The following SCFD2 variants were observed in gnomAD, a reference collection of about 807,000 sequenced individuals.
The protein encoded by SCFD2 is sec1 family domain containing 2.
In SCFD2, 54 loss-of-function variants were observed where a neutral mutation model predicts 58.9. The observed-to-expected ratio is 0.92, with a 90% CI of 0.74 to 1.15. SCFD2 has a LOEUF of 1.15. Ranked by LOEUF, SCFD2 falls within the 50% of genes most tolerant of loss-of-function variation. The pLI, the probability that SCFD2 is intolerant of heterozygous loss-of-function variation, is 0.00. For synonymous variants in SCFD2, 321 were observed against 335.9 expected (o/e 0.96, Z 0.49); for missense variants, 805 against 836.6 (o/e 0.96, Z 0.47).
chr4:52,977,143 G>A (rs1671818174), intron 5 of SCFD2, among the ~76,000 whole-genome samples: 1 of 152,148 alleles, frequency 6.6e-6, no homozygotes, highest in Admixed American at 6.6e-5. Context: ...CCACGGGAGA[G>A]TTGACTCCTT....
intron 5 of SCFD2, among the ~76,000 whole-genome samples, chr4:53,027,349 T>G (rs1220994043): frequency 2.6e-5 from 4 of 152,124 alleles, no homozygotes; most frequent in Admixed American, 2.6e-4. Context: ...TAAAGTGGGC[T>G]GACCTGCTCA....
intron 5 of SCFD2, among the ~76,000 whole-genome samples, chr4:52,927,349 A>T (rs962917268): frequency 1.3e-5 from 2 of 151,720 alleles, no homozygotes; most frequent in Non-Finnish European, 2.9e-5. Flanking sequence ...GTTCTTTTTT[A>T]AAAAACATTA....
intron 3 of SCFD2, among the ~76,000 whole-genome samples, chr4:53,289,987 T>C (rs1258143456): frequency 6.6e-6 from 1 of 152,080 alleles, no homozygotes; most frequent in Non-Finnish European, 1.5e-5. Context: ...ATAAAACAAA[T>C]ATTAACCGTC....
chr4:53,000,198 C>T (rs1220252535), intron 5 of SCFD2, among the ~76,000 whole-genome samples: 1 of 152,172 alleles, frequency 6.6e-6, no homozygotes, highest in East Asian at 1.9e-4. Context: ...CTGAGGAGAG[C>T]ACAGGTTGAG....
At chr4:53,011,755 C>T (rs1158297251) in intron 5 of SCFD2, among the ~76,000 whole-genome samples, 1 of 152,210 alleles carries the variant, frequency 6.6e-6, no homozygotes, top group Non-Finnish European at 1.5e-5. Flanking sequence ...CTTCAAGCTT[C>T]TTTATCTGGG....
chr4:53,213,835 G>C (rs1728708350), intron 4 of SCFD2, among the ~76,000 whole-genome samples: 1 of 152,012 alleles, frequency 6.6e-6, no homozygotes, highest in African/African-American at 2.4e-5. Flanking sequence ...GCCCTGGTGT[G>C]TGATGTTCCG....
At chr4:53,130,697 C>T (rs889688924) in intron 5 of SCFD2, among the ~76,000 whole-genome samples, 4 of 152,134 alleles carry the variant, frequency 2.6e-5, no homozygotes, top group African/African-American at 9.7e-5. Context: ...TGGGACTGAT[C>T]TACAACCTCT....
intron 4 of SCFD2, among the ~76,000 whole-genome samples, chr4:53,265,801 G>A (rs1360753663): frequency 3.3e-5 from 5 of 151,914 alleles, no homozygotes; most frequent in South Asian, 2.1e-4. Context: ...ATGCAGTGAC[G>A]CAATTACGGC....
At chr4:52,950,580 G>A (rs947144572) in intron 5 of SCFD2, 1 of 152,232 alleles carries the variant, frequency 6.6e-6, no homozygotes, top group Non-Finnish European at 1.5e-5. Flanking sequence ...GTCAGACAAG[G>A]TCATAGAGTT....
chr4:52,893,602 C>A (rs1718930162), intron 7 of SCFD2, among the ~76,000 whole-genome samples: 1 of 152,212 alleles, frequency 6.6e-6, no homozygotes, highest in Non-Finnish European at 1.5e-5. Flanking sequence ...AGCATCCATG[C>A]AGTTACAATG....
chr4:52,895,987 TG>T (rs1718998336), intron 7 of SCFD2, among the ~76,000 whole-genome samples: 1 of 152,380 alleles, frequency 6.6e-6, no homozygotes, highest in South Asian at 2.1e-4. Flanking sequence ...TTCATATGCT[TG>T]GCCCACTTTT....
At chr4:53,229,011 C>A (rs1297738368) in intron 4 of SCFD2, among the ~76,000 whole-genome samples, 2 of 152,072 alleles carry the variant, frequency 1.3e-5, no homozygotes, top group Non-Finnish European at 2.9e-5. Context: ...GAGTGAACTC[C>A]CATTCACAAT....
intron 4 of SCFD2, among the ~76,000 whole-genome samples, chr4:53,227,304 G>GA (rs1208422779): frequency 3.3e-5 from 5 of 151,924 alleles, no homozygotes; most frequent in African/African-American, 9.7e-5. Context: ...TTTTAAAGAG[G>GA]AAAAAAATGG....
At chr4:53,272,546 T>C (rs1731205284) in intron 4 of SCFD2, among the ~76,000 whole-genome samples, 1 of 152,150 alleles carries the variant, frequency 6.6e-6, no homozygotes. Context: ...CTCATGTCCT[T>C]TGTAAGGACA....
intron 1 of SCFD2, among the ~76,000 whole-genome samples, chr4:53,363,338 T>G (rs1734600186): frequency 1.3e-5 from 2 of 151,810 alleles, no homozygotes; most frequent in Admixed American, 6.6e-5. Flanking sequence ...CTGTAGAGAT[T>G]GAGTTTTGCT....
chr4:52,918,497 C>T (rs1478062556), intron 6 of SCFD2, among the ~76,000 whole-genome samples: 1 of 151,974 alleles, frequency 6.6e-6, no homozygotes, highest in Non-Finnish European at 1.5e-5. Flanking sequence ...ATTTGAAAAA[C>T]ACTGAAAAAC....
Position 52,873,762 on chromosome 4 carries a change from TA to T in SCFD2, c.*206del, listed in dbSNP as rs1293366294. 2.3e-6 allele frequency: 1 copy of T among 428,434 alleles called. No individual in the cohort carries two copies. The highest frequency in any genetic ancestry group is 4.2e-6 in the Non-Finnish European group (1 of 240,608). 26.5% of individuals were successfully genotyped at this position (428,434 alleles called of 1,614,324 possible). On this transcript the variant is annotated 3_prime_UTR_variant, in exon 9 of 9. Transcript: ENST00000401642. ...AGACAGACTGTCGCCTTCAGGAAAA[TA>T]AAAAAACTTTTTTTTTTTTTTTTTA...
intron 2 of SCFD2, among the ~76,000 whole-genome samples, chr4:53,338,770 C>G (rs576166552): frequency 1.1e-3 from 162 of 151,306 alleles, no homozygotes; most frequent in South Asian, 6.5e-3. Flanking sequence ...TTAGTAGAGA[C>G]GGGGTTTCAC....
chr4:53,097,019 G>A (rs1724670490), intron 5 of SCFD2, among the ~76,000 whole-genome samples: 1 of 152,142 alleles, frequency 6.6e-6, no homozygotes. Flanking sequence ...AAGATCAGAT[G>A]GTTGTAGATG....
Sources: allele counts gnomAD v4.1 joint callset (sites outside exome capture counted in the v4.1 genomes callset), GRCh38; gene constraint gnomAD v4.1.1; transcripts MANE v1.5; gene names NCBI Gene and HGNC (gene_info 2026-07-23, HGNC 2026-07-21).